Variants in AHI1 observed in about 807,000 individuals in gnomAD.
The protein encoded by AHI1 is jouberin.
AHI1 carries 123 observed loss-of-function variants against 149.3 expected under a neutral mutation model. The observed-to-expected ratio is 0.82, with a 90% CI of 0.71 to 0.96. The LOEUF is 0.96. Among genes scored for constraint, AHI1 ranks in the 40% least tolerant of loss-of-function variants. AHI1 has a pLI of 0.00. For synonymous variants in AHI1, 475 were observed against 459.8 expected (o/e 1.03, Z -0.42); for missense variants, 1,439 against 1,422.7 (o/e 1.01, Z -0.18).
At chr6:135,478,718 G>A (rs1452235766) in intron 5 of AHI1, among the ~76,000 whole-genome samples, 2 of 152,240 alleles carry the variant, frequency 1.3e-5, no homozygotes, top group Non-Finnish European at 2.9e-5. Flanking sequence ...ATAAAGAAAA[G>A]CCAAATGTTA....
At position 135,455,722 on chromosome 6, in the gene AHI1, T is replaced by C; in HGVS notation, c.1344+12A>G. 6.5e-7 allele frequency: 1 copy of C among 1,548,822 alleles called. No individual in the cohort carries two copies. Among genetic ancestry groups the C allele is most frequent in the Non-Finnish European group, 8.8e-7 (1 of 1,137,596 alleles). On this transcript the variant is annotated intron_variant, in intron 10 of 28. Coordinates refer to ENST00000265602, the MANE Select transcript of AHI1 (RefSeq NM_001134831.2). ...CTATCGTTTAATTTGAATTGGTCCATTCAATTCATACCTCAAAGAACAGGA... is the reference window on the plus strand; with the variant it reads ...CTATCGTTTAATTTGAATTGGTCCACTCAATTCATACCTCAAAGAACAGGA...
At chr6:135,398,467 A>G (rs1263956627) in intron 22 of AHI1, among the ~76,000 whole-genome samples, 1 of 152,170 alleles carries the variant, frequency 6.6e-6, no homozygotes, top group East Asian at 1.9e-4. Context: ...CCAGTATTCA[A>G]ATTTGAATCA....
intron 23 of AHI1, among the ~76,000 whole-genome samples, chr6:135,362,079 T>C (rs1174614127): frequency 6.6e-6 from 1 of 152,108 alleles, no homozygotes; most frequent in Non-Finnish European, 1.5e-5. Context: ...TTCCATTCCT[T>C]TTTATGACTA....
At chr6:135,447,953 A>C (rs1562793345) in intron 12 of AHI1, among the ~76,000 whole-genome samples, 1 of 152,208 alleles carries the variant, frequency 6.6e-6, no homozygotes, top group Non-Finnish European at 1.5e-5. Flanking sequence ...TAAAGGCAAA[A>C]TTGACTGAAA....
At position 135,284,571 on chromosome 6, in the gene AHI1, T is replaced by G. The variant is rs566626886; in HGVS notation, c.*1074A>C. ...ATAGTCTATAATAATGACACTATTA[T>G]TCTGGAACTTAGAAAAAATAAATAA... is the stretch of plus-strand genomic sequence containing the variant. On this transcript the variant is annotated 3_prime_UTR_variant, in exon 29 of 29. Coordinates refer to ENST00000265602, the MANE Select transcript of AHI1 (RefSeq NM_001134831.2). 2 of 148,856 alleles carry G rather than the reference T, an allele frequency of 1.3e-5. No homozygotes were observed. Among genetic ancestry groups the G allele is most frequent in the Non-Finnish European group, 2.9e-5 (2 of 68,020 alleles). The allele number at this position is 148,856 out of a possible 1,614,324, so 9.2% of individuals were successfully genotyped here.
At chr6:135,490,403 G>A (rs1795089314) in intron 5 of AHI1, 2 of 647,974 alleles carry the variant, frequency 3.1e-6, no homozygotes, top group South Asian at 1.9e-5. Flanking sequence ...CCCACTGTGT[G>A]TGTGTTCTTC....
intron 22 of AHI1, among the ~76,000 whole-genome samples, chr6:135,396,312 TC>T (rs1779204082): frequency 6.6e-6 from 1 of 151,690 alleles, no homozygotes; most frequent in Non-Finnish European, 1.5e-5. Flanking sequence ...AACAACAAAC[TC>T]ATTTGATATC....
chr6:135,356,305 A>T (rs1582785384), intron 24 of AHI1, among the ~76,000 whole-genome samples: 1 of 152,198 alleles, frequency 6.6e-6, no homozygotes, highest in South Asian at 2.1e-4. Flanking sequence ...TCCTCCCTAA[A>T]CATTTTCTTC....
At chr6:135,470,729 C>G (rs889848797) in intron 5 of AHI1, among the ~76,000 whole-genome samples, 1 of 151,950 alleles carries the variant, frequency 6.6e-6, no homozygotes, top group East Asian at 1.9e-4. Context: ...TACGTGGGAG[C>G]TGAACACCGA....
chr6:135,288,844 CA>C (rs916164362), intron 28 of AHI1, among the ~76,000 whole-genome samples: 5 of 146,090 alleles, frequency 3.4e-5, no homozygotes, highest in East Asian at 2.0e-4. Context: ...CAAAACAAAA[CA>C]AAAAAAAAAC....
At chr6:135,386,486 A>G (rs564506518) in intron 23 of AHI1, among the ~76,000 whole-genome samples, 5 of 151,708 alleles carry the variant, frequency 3.3e-5, no homozygotes, top group Admixed American at 3.3e-4. Context: ...AATTTTTTAT[A>G]TTTTTAGTAG....
chr6:135,428,680 G>A lies in AHI1; in HGVS notation c.2572C>T (p.Leu858=), dbSNP rs1303266176. 1.2e-6 allele frequency: 2 copies of A among 1,609,038 alleles called. No individual in the cohort carries two copies. The highest frequency in any genetic ancestry group is 1.7e-6 in the Non-Finnish European group (2 of 1,177,152). ...HSTLTPCGTF[L]FAGSEDGIVY... ...ATACCATCCTCACTTCCAGCAAACAGAAAAGTCCCACATGGAGTCAAAGTA... is the reference window on the plus strand; with the variant it reads ...ATACCATCCTCACTTCCAGCAAACAAAAAAGTCCCACATGGAGTCAAAGTA... The change falls in exon 19 of 29, where the codon CTG becomes TTG. Residue 858 remains leucine, a synonymous_variant. Coordinates refer to ENST00000265602, the MANE Select transcript of AHI1 (RefSeq NM_001134831.2).
intron 20 of AHI1, among the ~76,000 whole-genome samples, chr6:135,422,626 T>TGTAC (rs1783353292): frequency 6.9e-6 from 1 of 145,052 alleles, no homozygotes; most frequent in Admixed American, 6.7e-5. Flanking sequence ...TTTTTATGTA[T>TGTAC]GTATGTATGT....
intron 23 of AHI1, among the ~76,000 whole-genome samples, chr6:135,393,059 G>A (rs1211989937): frequency 1.3e-5 from 2 of 152,118 alleles, no homozygotes; most frequent in Non-Finnish European, 2.9e-5. Flanking sequence ...TCATGCTTCT[G>A]AGATAGTATG....
rs184059016 is a variant in AHI1, at chr6:135,457,091, G to A, written c.1151+403C>T. ...GTAGATCGCCTGAGGTCAGGAGTTC[G>A]AGATCATCCTGGCCAAACCCCGCCT... is the stretch of plus-strand genomic sequence containing the variant. On this transcript the variant is annotated intron_variant, in intron 9 of 28. Transcript: ENST00000265602. 1.6e-3 allele frequency among the ~76,000 whole-genome samples: 248 copies of A among 152,128 alleles called. 1 individual carries two copies. The highest frequency in any genetic ancestry group is 6.8e-3 in the Middle Eastern group (2 of 294).
At chr6:135,324,574 T>TATATATATATATATATATA (rs1787364418) in intron 24 of AHI1, among the ~76,000 whole-genome samples, 1 of 137,582 alleles carries the variant, frequency 7.3e-6, no homozygotes, top group African/African-American at 2.9e-5. Flanking sequence ...ATATATATAT[T>TATATATATATATATATATA]TATAGCATGT....
intron 24 of AHI1, among the ~76,000 whole-genome samples, chr6:135,324,159 T>TA (rs1378377281): frequency 6.6e-6 from 1 of 151,902 alleles, no homozygotes; most frequent in Non-Finnish European, 1.5e-5. Flanking sequence ...CATCTCTATA[T>TA]AAAAAAACAA....
rs1789186363 is a variant in AHI1 at position 135,457,654 on chromosome 6, T to C, written c.991A>G (p.Ser331Gly). ...AGCAAACATTTGGGATAAACCGGGCTATCTCGGCTTGTTATTTCATGAACA... is the reference window on the plus strand; with the variant it reads ...AGCAAACATTTGGGATAAACCGGGCCATCTCGGCTTGTTATTTCATGAACA... ...DGVHEITSRD[S>G]PVYPKCLLDD... The change falls in exon 9 of 29, where the codon AGC (serine) becomes GGC (glycine). Residue 331 changes from serine (S) to glycine (G), a missense_variant. Coordinates refer to ENST00000265602, the MANE Select transcript of AHI1 (RefSeq NM_001134831.2). The C allele has an allele frequency of 6.2e-7, 1 of 1,613,968 alleles. No homozygotes were observed. The highest frequency in any genetic ancestry group is 8.5e-7 in the Non-Finnish European group (1 of 1,179,862).
chr6:135,315,753 G>A (rs1267902751), intron 26 of AHI1, among the ~76,000 whole-genome samples: 3 of 152,078 alleles, frequency 2.0e-5, no homozygotes, highest in Non-Finnish European at 4.4e-5. Flanking sequence ...TTACTCAGAT[G>A]GTTATTATTC....
Sources: gnomAD v4.1 joint callset for allele counts (sites outside exome capture counted in the v4.1 genomes callset) on GRCh38, gnomAD v4.1.1 for gene constraint, MANE v1.5 for transcripts, NCBI Gene and HGNC (gene_info 2026-07-23, HGNC 2026-07-21) for gene names.